Variants in ROBO2 observed in about 807,000 individuals in gnomAD.
ROBO2 encodes roundabout guidance receptor 2, also known as roundabout homolog 2.
In ROBO2, 53 loss-of-function variants were observed where a neutral mutation model predicts 160.8. The observed-to-expected ratio is 0.33, with a 90% CI of 0.26 to 0.41. ROBO2 has a LOEUF of 0.41. ROBO2 is among the 10% of genes least tolerant of loss of function. The pLI is 1.00. For synonymous variants in ROBO2, 664 were observed against 611.7 expected, an observed-to-expected ratio of 1.09 and a Z score of -1.26; for missense variants, 1,577 against 1,722.4, an observed-to-expected ratio of 0.92 and a Z score of 1.49.
At chr3:77,613,555 C>T (rs2094698368) in intron 21 of ROBO2, among the ~76,000 whole-genome samples, 1 of 152,062 alleles carries the variant, frequency 6.6e-6, no homozygotes, top group Admixed American at 6.5e-5. Context: ...TTAGCCTCCT[C>T]TTACGTATTT....
chr3:76,130,389 T>C (rs193078897), intron 2 of ROBO2, among the ~76,000 whole-genome samples: 26 of 152,220 alleles, frequency 1.7e-4, no homozygotes, highest in Admixed American at 6.5e-4. Flanking sequence ...AAAAGGAAAA[T>C]ATTTCTCCAT....
intron 2 of ROBO2, among the ~76,000 whole-genome samples, chr3:76,401,218 CTT>C (rs2077796215): frequency 6.6e-6 from 1 of 151,438 alleles, no homozygotes; most frequent in Non-Finnish European, 1.5e-5. Context: ...AAAAATGTAA[CTT>C]TATCTTGTAA....
intron 2 of ROBO2, among the ~76,000 whole-genome samples, chr3:76,367,420 A>T (rs1387070576): frequency 6.6e-6 from 1 of 151,944 alleles, no homozygotes; most frequent in East Asian, 1.9e-4. Context: ...AAAAGAATTC[A>T]TGTCAGCAGC....
intron 2 of ROBO2, among the ~76,000 whole-genome samples, chr3:77,253,706 G>A (rs1013561381): frequency 9.9e-5 from 15 of 152,186 alleles, no homozygotes; most frequent in Admixed American, 9.8e-4. Flanking sequence ...GAGAGGCAAT[G>A]GCATATTCTT....
chr3:76,084,050 C>G (rs1398897305), intron 2 of ROBO2, among the ~76,000 whole-genome samples: 1 of 152,004 alleles, frequency 6.6e-6, no homozygotes, highest in Admixed American at 6.6e-5. Flanking sequence ...CCATGCAGAA[C>G]CAATGATATG....
intron 2 of ROBO2, among the ~76,000 whole-genome samples, chr3:76,297,706 T>TAAAA (rs71277576): frequency 3.5e-5 from 2 of 56,656 alleles, no homozygotes; most frequent in East Asian, 5.2e-4. Context: ...CTGCTTTCCT[T>TAAAA]AAAAAAAAAA....
chr3:77,271,907 G>T (rs367632487), intron 2 of ROBO2, among the ~76,000 whole-genome samples: 8 of 152,100 alleles, frequency 5.3e-5, no homozygotes, highest in Non-Finnish European at 7.4e-5. Flanking sequence ...TATTTTTAGC[G>T]TGCTTCTTTG....
chr3:76,825,687 T>C (rs991266080), intron 2 of ROBO2, among the ~76,000 whole-genome samples: 2 of 150,656 alleles, frequency 1.3e-5, no homozygotes, highest in African/African-American at 4.9e-5. Context: ...TTTCATAGGA[T>C]TTCCTGCGAC....
intron 2 of ROBO2, among the ~76,000 whole-genome samples, chr3:76,002,952 A>T (rs1335589217): frequency 6.6e-6 from 1 of 152,170 alleles, no homozygotes; most frequent in Non-Finnish European, 1.5e-5. Context: ...TACTACAGAT[A>T]CAAATCATAA....
intron 2 of ROBO2, among the ~76,000 whole-genome samples, chr3:76,279,949 C>T (rs549863157): frequency 5.9e-5 from 9 of 152,018 alleles, no homozygotes; most frequent in African/African-American, 2.2e-4. Flanking sequence ...CAGACCTTGA[C>T]TTCTCATTCT....
At chr3:76,852,156 T>C (rs917921930) in intron 2 of ROBO2, among the ~76,000 whole-genome samples, 2 of 152,166 alleles carry the variant, frequency 1.3e-5, no homozygotes, top group African/African-American at 4.8e-5. Flanking sequence ...ATTGGGAAAC[T>C]TTTTTTACAC....
intron 2 of ROBO2, among the ~76,000 whole-genome samples, chr3:77,392,740 A>G (rs1293490101): frequency 6.6e-6 from 1 of 152,170 alleles, no homozygotes; most frequent in African/African-American, 2.4e-5. Flanking sequence ...CAAATCCTTG[A>G]GCTAAACATT....
chr3:76,114,637 A>C (rs1024680622), intron 2 of ROBO2, among the ~76,000 whole-genome samples: 10 of 152,140 alleles, frequency 6.6e-5, no homozygotes, highest in Admixed American at 5.9e-4. Context: ...TCACCCACCT[A>C]GTAAGAGATC....
At chr3:77,296,390 T>A (rs963868705) in intron 2 of ROBO2, among the ~76,000 whole-genome samples, 1 of 151,938 alleles carries the variant, frequency 6.6e-6, no homozygotes, top group African/African-American at 2.4e-5. Context: ...TGAGGCTAGA[T>A]CACCAAAGAC....
In ROBO2 at chr3:76,166,659, C is replaced by T. The variant is rs532067967; in HGVS notation, c.109+229057C>T. Among the ~76,000 whole-genome samples the T allele has an allele frequency of 1.3e-3, 196 of 152,012 alleles. 1 individual carries two copies. Among genetic ancestry groups the T allele is most frequent in the Non-Finnish European group, 2.3e-3 (159 of 67,984 alleles). On this transcript the variant is annotated intron_variant, in intron 2 of 26. Transcript: ENST00000487694. ...TCCAGTTAAATTTCAGATGGATCCTCAAGGCTAAATCACATATAAAAAAAA... is the reference window on the plus strand; with the variant it reads ...TCCAGTTAAATTTCAGATGGATCCTTAAGGCTAAATCACATATAAAAAAAA...
intron 2 of ROBO2, among the ~76,000 whole-genome samples, chr3:76,669,758 G>A (rs1309661018): frequency 6.6e-6 from 1 of 152,146 alleles, no homozygotes; most frequent in East Asian, 1.9e-4. Flanking sequence ...CTTAAGAGCA[G>A]AATTAACCAT....
At chr3:77,287,740 C>T (rs530923737) in intron 2 of ROBO2, among the ~76,000 whole-genome samples, 35 of 152,212 alleles carry the variant, frequency 2.3e-4, no homozygotes, top group African/African-American at 7.5e-4. Flanking sequence ...TTCAGATCAG[C>T]GAAGTGCTTT....
chr3:76,403,246 G>C (rs1399768607), intron 2 of ROBO2, among the ~76,000 whole-genome samples: 1 of 151,580 alleles, frequency 6.6e-6, no homozygotes, highest in East Asian at 1.9e-4. Flanking sequence ...AGATCATTCA[G>C]CAAGGTTTTT....
chr3:76,713,717 G>T (rs1023958317), intron 2 of ROBO2, among the ~76,000 whole-genome samples: 1 of 152,090 alleles, frequency 6.6e-6, no homozygotes, highest in Non-Finnish European at 1.5e-5. Flanking sequence ...CAGTCACTTG[G>T]TAGGATTTAA....
Sources: gnomAD v4.1 joint callset for allele counts (sites outside exome capture counted in the v4.1 genomes callset) on GRCh38, gnomAD v4.1.1 for gene constraint, MANE v1.5 for transcripts, NCBI Gene and HGNC (gene_info 2026-07-23, HGNC 2026-07-21) for gene names.